The following CHIC2 variants were observed in gnomAD, a reference collection of about 807,000 sequenced individuals.
CHIC2 encodes cysteine rich hydrophobic domain 2.
A neutral mutation model predicts 25.9 loss-of-function variants in CHIC2; 14 were observed. The ratio of observed to expected loss-of-function variants is 0.54; its 90% CI spans 0.36 to 0.85. The LOEUF (loss-of-function observed/expected upper bound fraction) is 0.85, where lower values mean the gene tolerates loss of function less well. Among genes scored for constraint, CHIC2 ranks in the 40% least tolerant of loss-of-function variants. CHIC2 has a pLI of 0.01. For missense variants in CHIC2, 146 were observed against 202.0 expected (o/e 0.72, Z 1.68); for synonymous variants, 70 against 72.0 (o/e 0.97, Z 0.14).
chr4:54,032,895 G>A (rs1716278043), intron 3 of CHIC2, among the ~76,000 whole-genome samples: 1 of 152,184 alleles, frequency 6.6e-6, no homozygotes, highest in Admixed American at 6.5e-5. Flanking sequence ...GTAATCCCCA[G>A]TGTTGGAGGT....
chr4:54,089,562 CAT>C, the CHIC2 span, among the ~76,000 whole-genome samples: 2 of 152,090 alleles, frequency 1.3e-5, no homozygotes, highest in African/African-American at 4.8e-5. Context: ...AATCAGGAAA[CAT>C]ATTTCCTATG....
At chr4:54,053,929 T>C (rs1420587320) in intron 1 of CHIC2, among the ~76,000 whole-genome samples, 1 of 152,112 alleles carries the variant, frequency 6.6e-6, no homozygotes, top group Non-Finnish European at 1.5e-5. Flanking sequence ...TACCTGGGAT[T>C]ACAGGTGCTC....
intron 3 of CHIC2, among the ~76,000 whole-genome samples, chr4:54,045,027 G>A (rs181827379): frequency 7.9e-5 from 12 of 152,148 alleles, no homozygotes; most frequent in South Asian, 2.1e-4. Flanking sequence ...ACACCTCTAC[G>A]CAAATAAACT....
intron 1 of CHIC2, among the ~76,000 whole-genome samples, chr4:54,054,718 A>T (rs1275260589): frequency 6.6e-6 from 1 of 152,204 alleles, no homozygotes; most frequent in African/African-American, 2.4e-5. Context: ...AGCACATGGA[A>T]TGGCAAGGCC....
At chr4:54,084,577 A>C in the CHIC2 span, among the ~76,000 whole-genome samples, 1 of 152,172 alleles carries the variant, frequency 6.6e-6, no homozygotes, top group Non-Finnish European at 1.5e-5. Flanking sequence ...CACCTTCTAC[A>C]TTCATAATTA....
the CHIC2 span, chr4:54,087,739 G>A: frequency 2.6e-5 from 13 of 507,356 alleles, no homozygotes; most frequent in East Asian, 3.2e-5. Context: ...TTTTACTGGC[G>A]GTGATTACAA....
intron 3 of CHIC2, among the ~76,000 whole-genome samples, chr4:54,033,176 G>A (rs939810836): frequency 6.6e-6 from 1 of 152,128 alleles, no homozygotes; most frequent in Non-Finnish European, 1.5e-5. Flanking sequence ...AAATTATCCA[G>A]TCTCAGGTAT....
intron 3 of CHIC2, among the ~76,000 whole-genome samples, chr4:54,027,425 T>C (rs1171922450): frequency 6.6e-6 from 1 of 152,198 alleles, no homozygotes; most frequent in African/African-American, 2.4e-5. Flanking sequence ...AAAAACAAAT[T>C]GTCACTAGTG....
At chr4:54,086,545 T>C in the CHIC2 span, among the ~76,000 whole-genome samples, 1 of 152,020 alleles carries the variant, frequency 6.6e-6, no homozygotes, top group Non-Finnish European at 1.5e-5. Context: ...ATTCAGACGA[T>C]AAACATAAAC....
At chr4:54,013,750 T>C in intron 5 of CHIC2, 87 bp downstream of exon 5, 2 of 1,367,628 alleles carry the variant, frequency 1.5e-6, no homozygotes. Flanking sequence ...ACACCTTTGC[T>C]GATTAATAAT....
At chr4:54,012,910 T>C (rs528828236) in intron 5 of CHIC2, among the ~76,000 whole-genome samples, 105 of 152,268 alleles carry the variant, frequency 6.9e-4, no homozygotes, top group Admixed American at 2.3e-3. Flanking sequence ...AAAATGATTT[T>C]ATGATAATTT....
rs1364400877 is a variant in CHIC2 at position 54,048,997 on chromosome 4, T to C, written c.288A>G (p.Thr96=). The C allele has an allele frequency of 1.2e-6, 2 of 1,603,318 alleles. No individual in the cohort carries two copies. The highest frequency in any genetic ancestry group is 1.7e-5 in the Admixed American group (1 of 58,788). ...LLCGCLCCCC[T]LGCSMWPVIC... ...TAACTGGCCACATACTGCAACCTAA[T>C]GTGCAGCAGCAACAAAGGCAGCCAC... Residue 96 remains threonine, a synonymous_variant, in exon 3 of 6, where the codon ACA becomes ACG. Transcript: ENST00000263921.
chr4:54,084,544 A>G, the CHIC2 span, among the ~76,000 whole-genome samples: 3 of 152,166 alleles, frequency 2.0e-5, no homozygotes, highest in Non-Finnish European at 2.9e-5. Context: ...CAGCAATGAC[A>G]TAGTTAACTT....
the CHIC2 span, among the ~76,000 whole-genome samples, chr4:54,090,421 G>A: frequency 1.3e-5 from 2 of 152,164 alleles, no homozygotes; most frequent in Non-Finnish European, 2.9e-5. Flanking sequence ...CTAGCCTCAA[G>A]TAATCTGCCT....
chr4:54,064,219 C>T lies in CHIC2; in HGVS notation c.82G>A (p.Asp28Asn). ...LEEQLLKYSP[D>N]PVVVRGSGHV... ...CCGGAGCCGCGGACGACCACCGGGTCCGGCGAGTACTTGAGCAGCTGCTCC... is the reference window on the plus strand; with the variant it reads ...CCGGAGCCGCGGACGACCACCGGGTTCGGCGAGTACTTGAGCAGCTGCTCC... Residue 28 changes from aspartate to asparagine, a missense_variant, in exon 1 of 6, where the codon GAC becomes AAC. Transcript: ENST00000263921. The surrounding 1 kb of genome is among the most constrained non-coding windows in gnomAD (Gnocchi z 4.2). 1 of 1,607,456 alleles carries T rather than the reference C, an allele frequency of 6.2e-7. No individual in the cohort carries two copies. The highest frequency in any genetic ancestry group is 8.5e-7 in the Non-Finnish European group (1 of 1,177,178).
At chr4:54,047,980 C>T (rs1716888083) in intron 3 of CHIC2, among the ~76,000 whole-genome samples, 1 of 151,914 alleles carries the variant, frequency 6.6e-6, no homozygotes, top group African/African-American at 2.4e-5. Context: ...CTACCAACAT[C>T]TTAAAATTTT....
At chr4:54,063,181 C>A (rs752230315) in intron 1 of CHIC2, among the ~76,000 whole-genome samples, 10 of 152,174 alleles carry the variant, frequency 6.6e-5, no homozygotes, top group African/African-American at 2.4e-4. Flanking sequence ...GAAGACTATT[C>A]CAGACATTCT....
Position 54,049,045 on chromosome 4 carries a change from A to G in CHIC2, c.240T>C (p.Pro80=), listed in dbSNP as rs764224344. The G allele has an allele frequency of 1.9e-6, 3 of 1,612,740 alleles. No homozygotes were observed. The highest frequency in any genetic ancestry group is 2.5e-6 in the Non-Finnish European group (3 of 1,179,270). The change falls in exon 3 of 6, where the codon CCT becomes CCC. Residue 80 remains proline (P), a synonymous_variant. Coordinates refer to ENST00000263921, the MANE Select transcript of CHIC2 (RefSeq NM_012110.4). ...CACAAAGTAGCCAACGTACATTAAC[A>G]GGAAGGTTCTTCTTAAGACAACTGT... The part of the protein sequence containing the change: ...RVNSCLKKNL[P]VNVRWLLCGC...
intron 3 of CHIC2, among the ~76,000 whole-genome samples, chr4:54,048,364 C>G (rs751246860): frequency 4.0e-4 from 61 of 152,128 alleles, no homozygotes; most frequent in Non-Finnish European, 6.0e-4. Flanking sequence ...TCACTTTGTG[C>G]TCACTACAGG....
Sources: gnomAD v4.1 joint callset for allele counts (sites outside exome capture counted in the v4.1 genomes callset) on GRCh38, gnomAD v4.1.1 for gene constraint, Gnocchi (gnomAD v3.1) non-coding constraint, MANE v1.5 for transcripts, NCBI Gene and HGNC (gene_info 2026-07-23, HGNC 2026-07-21) for gene names.